Variants in LIMA1 observed in about 807,000 individuals in gnomAD.
The protein encoded by LIMA1 is LIM domain and actin-binding protein 1.
In LIMA1, 52 loss-of-function variants were observed where a neutral mutation model predicts 62.6. That is an observed-to-expected ratio of 0.83 (90% CI 0.67 to 1.05). The LOEUF is 1.05. Ranked by LOEUF, LIMA1 falls within the 50% of genes least tolerant of loss-of-function variation. The pLI is 0.00. For missense variants in LIMA1, 780 were observed against 902.2 expected, an observed-to-expected ratio of 0.86 and a Z score of 1.74; for synonymous variants, 302 against 317.8, an observed-to-expected ratio of 0.95 and a Z score of 0.53.
chr12:50,249,022 A>G (rs543179845), intron 1 of LIMA1, among the ~76,000 whole-genome samples: 26 of 152,374 alleles, frequency 1.7e-4, no homozygotes, highest in African/African-American at 5.8e-4. Context: ...CTGTGCAAAC[A>G]TCAATTGGCC....
At chr12:50,260,150 T>C (rs77145530) in intron 1 of LIMA1, among the ~76,000 whole-genome samples, 7 of 149,022 alleles carry the variant, frequency 4.7e-5, no homozygotes, top group African/African-American at 1.5e-4. Context: ...AGAGTTTCTT[T>C]TTTTTTTTTT....
At chr12:50,276,176 A>C (rs1942273804) in intron 1 of LIMA1, among the ~76,000 whole-genome samples, 1 of 152,152 alleles carries the variant, frequency 6.6e-6, no homozygotes, top group Non-Finnish European at 1.5e-5. Flanking sequence ...AAAAAACTAA[A>C]AGGGGAATCT....
At chr12:50,277,393 A>G (rs1191126662) in intron 1 of LIMA1, among the ~76,000 whole-genome samples, 2 of 152,100 alleles carry the variant, frequency 1.3e-5, no homozygotes, top group Admixed American at 1.3e-4. Context: ...GGCTCTATAT[A>G]TCTAAAATTA....
chr12:50,181,403 T>C (rs1940499188), intron 10 of LIMA1, among the ~76,000 whole-genome samples: 1 of 152,228 alleles, frequency 6.6e-6, no homozygotes. Context: ...TTCCCCGATT[T>C]GTCACATTTA....
At chr12:50,198,327 C>T (rs1335587232) in intron 7 of LIMA1, among the ~76,000 whole-genome samples, 1 of 151,990 alleles carries the variant, frequency 6.6e-6, no homozygotes, top group African/African-American at 2.4e-5. Flanking sequence ...GAGGGGATTG[C>T]TTGAAGCCAG....
chr12:50,226,404 CTTTAT>C (rs1211746811), intron 3 of LIMA1, among the ~76,000 whole-genome samples: 1 of 152,122 alleles, frequency 6.6e-6, no homozygotes, highest in Non-Finnish European at 1.5e-5. Flanking sequence ...GAGGCTTCTG[CTTTAT>C]TTTATCTCAC....
At chr12:50,231,356 ACCACCTAGGAAAC>A (rs1941608856) in intron 3 of LIMA1, among the ~76,000 whole-genome samples, 1 of 152,160 alleles carries the variant, frequency 6.6e-6, no homozygotes, top group African/African-American at 2.4e-5. Context: ...AAAAAGGAAG[ACCACCTAGGAAAC>A]CCTGTGTTCT....
chr12:50,224,112 C>T (rs567112119), intron 3 of LIMA1: 1 of 151,972 alleles, frequency 6.6e-6, no homozygotes, highest in Admixed American at 6.6e-5. Flanking sequence ...ATAAATTGAA[C>T]AGCACCACCT....
At chr12:50,231,562 A>G in intron 3 of LIMA1, 103 bp downstream of exon 3, 2 of 1,023,534 alleles carry the variant, frequency 2.0e-6, no homozygotes, top group Non-Finnish European at 3.1e-6. Context: ...ACAAATGTCC[A>G]CTCAGCTGAC....
chr12:50,258,125 G>A (rs1370651310), intron 1 of LIMA1, among the ~76,000 whole-genome samples: 1 of 152,056 alleles, frequency 6.6e-6, no homozygotes, highest in Non-Finnish European at 1.5e-5. Flanking sequence ...CCATGCCTCA[G>A]CCCTGGAATC....
intron 9 of LIMA1, chr12:50,189,449 A>G (rs1427255776): frequency 6.6e-6 from 1 of 152,142 alleles, no homozygotes; most frequent in African/African-American, 2.4e-5. Flanking sequence ...AACTCATTCT[A>G]TTTATTGAGT....
chr12:50,178,988 C>CT (rs200252665), intron 10 of LIMA1, among the ~76,000 whole-genome samples: 1,349 of 118,802 alleles, frequency 0.011, 18 homozygotes, highest in African/African-American at 0.038. Context: ...TTTTTCTTTT[C>CT]TTTTTTTGAG....
At chr12:50,280,266 C>T (rs67138019) in intron 1 of LIMA1, among the ~76,000 whole-genome samples, 48,285 of 150,726 alleles carry the variant, frequency 0.32, 8,009 homozygotes, top group South Asian at 0.48. Context: ...GCCATTCTCC[C>T]GCCTCAGCCT....
intron 9 of LIMA1, 40 bp downstream of exon 9, chr12:50,192,412 G>T: frequency 1.5e-6 from 2 of 1,308,308 alleles, no homozygotes; most frequent in South Asian, 2.4e-5. Flanking sequence ...TCTACCAGTA[G>T]ACCAATGTCC....
chr12:50,272,057 T>C (rs1942218086), intron 1 of LIMA1, among the ~76,000 whole-genome samples: 1 of 152,222 alleles, frequency 6.6e-6, no homozygotes, highest in Non-Finnish European at 1.5e-5. Flanking sequence ...TTGTCCTTAA[T>C]AACTAATCAA....
intron 2 of LIMA1, among the ~76,000 whole-genome samples, chr12:50,232,001 C>G (rs1392218723): frequency 6.8e-6 from 1 of 147,838 alleles, no homozygotes; most frequent in African/African-American, 2.5e-5. Context: ...CTCCTGACCT[C>G]AAGTGATCCA....
intron 1 of LIMA1, among the ~76,000 whole-genome samples, chr12:50,257,405 C>G (rs920722301): frequency 6.6e-6 from 1 of 152,164 alleles, no homozygotes; most frequent in African/African-American, 2.4e-5. Context: ...TATGAGTAAA[C>G]AGCAAACTGT....
At chr12:50,231,112 CAT>C (rs1054429452) in intron 3 of LIMA1, among the ~76,000 whole-genome samples, 2 of 152,060 alleles carry the variant, frequency 1.3e-5, no homozygotes, top group African/African-American at 4.8e-5. Flanking sequence ...TTTCAAAAGA[CAT>C]GTATTATTCA....
chr12:50,258,085 G>A (rs1291163936), intron 1 of LIMA1, among the ~76,000 whole-genome samples: 1 of 152,016 alleles, frequency 6.6e-6, no homozygotes, highest in African/African-American at 2.4e-5. Flanking sequence ...TTCTAGCACT[G>A]CAAGATGTTC....
Sources: gnomAD v4.1 joint callset for allele counts (sites outside exome capture counted in the v4.1 genomes callset) on GRCh38, gnomAD v4.1.1 for gene constraint, MANE v1.5 for transcripts, NCBI Gene and HGNC (gene_info 2026-07-23, HGNC 2026-07-21) for gene names.